The following ITGB5 variants were observed in gnomAD, a reference collection of about 807,000 sequenced individuals.
ITGB5 encodes the protein integrin beta-5.
In ITGB5, 38 loss-of-function variants were observed where a neutral mutation model predicts 84.8. The observed-to-expected ratio is 0.45, with a 90% CI of 0.35 to 0.59. ITGB5 has a LOEUF of 0.59. Among genes scored for constraint, ITGB5 ranks in the 20% least tolerant of loss-of-function variants. The pLI, the probability that ITGB5 is intolerant of heterozygous loss-of-function variation, is 0.01. For missense variants in ITGB5, 905 were observed against 1,034.5 expected, an observed-to-expected ratio of 0.87 and a Z score of 1.72; for synonymous variants, 393 against 414.4, an observed-to-expected ratio of 0.95 and a Z score of 0.63.
intron 10 of ITGB5, among the ~76,000 whole-genome samples, chr3:124,780,093 G>A (rs2063981816): frequency 6.8e-6 from 1 of 147,908 alleles, no homozygotes; most frequent in Non-Finnish European, 1.5e-5. Context: ...GGCCCTCAGC[G>A]AGGCCTCTGA....
intron 5 of ITGB5, among the ~76,000 whole-genome samples, chr3:124,837,449 G>A (rs2064950804): frequency 6.6e-6 from 1 of 152,194 alleles, no homozygotes; most frequent in Non-Finnish European, 1.5e-5. Flanking sequence ...CAGGAACAGT[G>A]CATTAGAAAA....
chr3:124,864,699 C>T (rs1031470345), intron 2 of ITGB5, among the ~76,000 whole-genome samples: 1 of 151,740 alleles, frequency 6.6e-6, no homozygotes, highest in Non-Finnish European at 1.5e-5. Flanking sequence ...GCAATATACC[C>T]ATATAACAAA....
intron 12 of ITGB5, among the ~76,000 whole-genome samples, chr3:124,767,022 C>T (rs1013098198): frequency 2.6e-5 from 4 of 152,222 alleles, no homozygotes; most frequent in Admixed American, 6.5e-5. Flanking sequence ...CCCTTGCTGC[C>T]ATTCCCCAAG....
chr3:124,825,025 C>T (rs543477587), intron 5 of ITGB5, among the ~76,000 whole-genome samples: 12 of 151,910 alleles, frequency 7.9e-5, no homozygotes, highest in Non-Finnish European at 2.9e-5. Context: ...GGTGAAACCC[C>T]GTCTCTACTA....
rs369795460 is a variant in ITGB5 at position 124,796,921 on chromosome 3, C to T, written c.1264-104G>A. The T allele has an allele frequency of 3.1e-5, 34 of 1,113,508 alleles. 1 individual carries two copies. Among genetic ancestry groups the T allele is most frequent in the Admixed American group, 1.9e-4 (7 of 37,506 alleles). 69.0% of individuals were successfully genotyped at this position (1,113,508 alleles called of 1,614,324 possible). On this transcript the variant is annotated intron_variant, in intron 9 of 14. Coordinates refer to ENST00000296181, the MANE Select transcript of ITGB5 (RefSeq NM_002213.5). ...TGAAGAGCAGCTGCGAACTCCAGCC[C>T]TCTCCACGCACTCAGGTAGAACCAC...
Position 124,763,527 on chromosome 3 carries a change from AC to A in ITGB5, c.*95del, listed in dbSNP as rs2063722410. ...CTAGAAGGTCTTCTCTGTGGTGCCT[AC>A]CTAGGGAGCTGTGATCAAGCCGAGC... On this transcript the variant is annotated 3_prime_UTR_variant, in exon 15 of 15. Transcript: ENST00000296181. 1 of 711,816 alleles carries A rather than the reference AC, an allele frequency of 1.4e-6. No homozygotes were observed. 44.1% of individuals were successfully genotyped at this position (711,816 alleles called of 1,614,324 possible). A position where few individuals can be genotyped will look rare whatever the true frequency, so the allele number is the denominator to read the frequency against.
At chr3:124,783,639 T>C (rs2064038428) in intron 10 of ITGB5, among the ~76,000 whole-genome samples, 1 of 152,238 alleles carries the variant, frequency 6.6e-6, no homozygotes, top group African/African-American at 2.4e-5. Flanking sequence ...AGAAGTATTA[T>C]TGATACCTGA....
intron 1 of ITGB5, among the ~76,000 whole-genome samples, chr3:124,901,003 C>T (rs115036636): frequency 0.029 from 4,461 of 152,226 alleles, 98 homozygotes; most frequent in South Asian, 0.046. Context: ...GAGCAAACAG[C>T]GTAACATTCA....
chr3:124,790,408 T>C (rs35175795), intron 10 of ITGB5, among the ~76,000 whole-genome samples: 1 of 111,740 alleles, frequency 8.9e-6, no homozygotes, highest in Non-Finnish European at 1.9e-5. Flanking sequence ...AGAACCGCCT[T>C]TGACTAGACA....
At chr3:124,894,499 A>T (rs1013371429) in intron 1 of ITGB5, 1 of 152,114 alleles carries the variant, frequency 6.6e-6, no homozygotes, top group African/African-American at 2.4e-5. Context: ...GATATTGCTT[A>T]TGTAAAATTT....
intron 12 of ITGB5, among the ~76,000 whole-genome samples, chr3:124,768,003 A>T (rs1279266774): frequency 6.6e-6 from 1 of 152,196 alleles, no homozygotes; most frequent in Non-Finnish European, 1.5e-5. Flanking sequence ...CAGGAGGTCG[A>T]GACTTCCAGT....
At chr3:124,859,515 G>T in intron 2 of ITGB5, 69 bp from the exon 3 acceptor site, 1 of 1,233,994 alleles carries the variant, frequency 8.1e-7, no homozygotes, top group South Asian at 1.3e-5. Context: ...CGCATGTCGT[G>T]GCTGCGTCTC....
At chr3:124,767,894 A>G (rs962808257) in intron 12 of ITGB5, among the ~76,000 whole-genome samples, 1 of 152,134 alleles carries the variant, frequency 6.6e-6, no homozygotes, top group Admixed American at 6.5e-5. Context: ...CAACATGGTG[A>G]AACTCCGTCT....
chr3:124,834,993 A>C (rs2064912775), intron 5 of ITGB5, among the ~76,000 whole-genome samples: 1 of 152,178 alleles, frequency 6.6e-6, no homozygotes, highest in African/African-American at 2.4e-5. Context: ...CCTGGTATGA[A>C]AACAGAGCCC....
At chr3:124,785,294 G>C (rs1218119882) in intron 10 of ITGB5, among the ~76,000 whole-genome samples, 1 of 152,164 alleles carries the variant, frequency 6.6e-6, no homozygotes, top group Non-Finnish European at 1.5e-5. Flanking sequence ...TAACAAAGGT[G>C]CACTTGTGTC....
rs1048517541 is a variant in ITGB5, at chr3:124,795,457, C to T, written c.1693+931G>A. On this transcript the variant is annotated intron_variant, in intron 10 of 14. Transcript: ENST00000296181. ...TGAGTCGAGATCCTGCCATTGCACT[C>T]CAGCCTGGGCAACAGAGTGAGACTC... is the stretch of plus-strand genomic sequence containing the variant. Among the ~76,000 whole-genome samples, 6 of 151,928 alleles carry T rather than the reference C, an allele frequency of 3.9e-5. No homozygotes were observed. The East Asian group carries it at 7.7e-4, about 20-fold the overall frequency.
At chr3:124,799,810 G>A (rs1332985031) in intron 9 of ITGB5, among the ~76,000 whole-genome samples, 1 of 152,118 alleles carries the variant, frequency 6.6e-6, no homozygotes, top group African/African-American at 2.4e-5. Context: ...CCTCCTAGAC[G>A]GGGGAATGAG....
chr3:124,798,108 G>A (rs1434714646), intron 9 of ITGB5, among the ~76,000 whole-genome samples: 6 of 132,710 alleles, frequency 4.5e-5, no homozygotes, highest in Admixed American at 9.2e-5. Context: ...GCTGGAGTGC[G>A]GTGGCATGCA....
rs377030525 is a variant in ITGB5 at position 124,785,539 on chromosome 3, C to T, written c.1693+10849G>A. On this transcript the variant is annotated intron_variant, in intron 10 of 14. Coordinates refer to ENST00000296181, the MANE Select transcript of ITGB5 (RefSeq NM_002213.5). ...GGCAGAGGTTGCAGTGAGCCAAGAT[C>T]GTGCCACTGCACTCCAGCCTGGGGA... 3.7e-4 allele frequency among the ~76,000 whole-genome samples: 54 copies of T among 147,452 alleles called. 2 individuals carry two copies. Among genetic ancestry groups the T allele is most frequent in the East Asian group, 3.5e-3 (17 of 4,892 alleles).
Sources: allele counts gnomAD v4.1 joint callset (sites outside exome capture counted in the v4.1 genomes callset), GRCh38; gene constraint gnomAD v4.1.1; transcripts MANE v1.5; gene names NCBI Gene and HGNC (gene_info 2026-07-23, HGNC 2026-07-21).